Variants in ITGAE observed in about 807,000 individuals in gnomAD.
ITGAE encodes integrin subunit alpha E, also known as integrin alpha-E.
A neutral mutation model predicts 136.5 loss-of-function variants in ITGAE; 99 were observed. That is an observed-to-expected ratio of 0.73 (90% CI 0.62 to 0.86). The LOEUF (loss-of-function observed/expected upper bound fraction) is 0.86. Among genes scored for constraint, ITGAE ranks in the 40% least tolerant of loss-of-function variants. The pLI is 0.00. For missense variants in ITGAE, 1,447 were observed against 1,515.3 expected (o/e 0.95, Z 0.75); for synonymous variants, 613 against 591.8 (o/e 1.04, Z -0.52).
chr17:3,733,738 G>A (rs2051399019), intron 21 of ITGAE, among the ~76,000 whole-genome samples: 1 of 152,224 alleles, frequency 6.6e-6, no homozygotes, highest in Non-Finnish European at 1.5e-5. Flanking sequence ...ACACTATTGT[G>A]TGTATCACTG....
At position 3,750,341 on chromosome 17, in the gene ITGAE, C is replaced by G; in HGVS notation, c.2024+11G>C. ...GGGCCTGGGACCCCAGAAAGCAGGACAGAACCCTACCGGAACACAACCGCC... is the reference window on the plus strand; with the variant it reads ...GGGCCTGGGACCCCAGAAAGCAGGAGAGAACCCTACCGGAACACAACCGCC... On this transcript the variant is annotated intron_variant, in intron 16 of 30. Coordinates refer to ENST00000263087, the MANE Select transcript of ITGAE (RefSeq NM_002208.5). The G allele has an allele frequency of 6.2e-7, 1 of 1,613,616 alleles. No homozygotes were observed.
intron 1 of ITGAE, among the ~76,000 whole-genome samples, chr17:3,787,153 C>T (rs1486722231): frequency 6.6e-6 from 1 of 151,574 alleles, no homozygotes; most frequent in East Asian, 1.9e-4. Context: ...ACTCTGTCGC[C>T]CAGGCTGGAG....
At chr17:3,728,367 C>CAT in intron 24 of ITGAE, 199 bp from the exon 25 acceptor site, 1 of 288,290 alleles carries the variant, frequency 3.5e-6, no homozygotes, top group Non-Finnish European at 6.3e-6. Flanking sequence ...TACACTCATC[C>CAT]CTTTTTTTTT....
intron 2 of ITGAE, among the ~76,000 whole-genome samples, chr17:3,771,445 C>T (rs1180928109): frequency 6.6e-6 from 1 of 151,930 alleles, no homozygotes; most frequent in Non-Finnish European, 1.5e-5. Context: ...CGCCGCAGCT[C>T]ACGTGCCCTT....
Position 3,753,773 on chromosome 17 carries a change from C to T in ITGAE, c.1527+10G>A. ...GGTCATAAGGGGTGGAGGCTTTCCC[C>T]AGCAGGTACCTGCTCTCCCTCCAGC... On this transcript the variant is annotated intron_variant, in intron 13 of 30. Coordinates refer to ENST00000263087, the MANE Select transcript of ITGAE (RefSeq NM_002208.5). 6.2e-7 allele frequency: 1 copy of T among 1,614,042 alleles called. No individual in the cohort carries two copies. The highest frequency in any genetic ancestry group is 8.5e-7 in the Non-Finnish European group (1 of 1,179,990).
At chr17:3,728,305 G>C (rs939608889) in intron 24 of ITGAE, 137 bp from the exon 25 acceptor site, 1 of 667,974 alleles carries the variant, frequency 1.5e-6, no homozygotes, top group African/African-American at 1.8e-5. Flanking sequence ...CCAGGCTCAA[G>C]TGATCCTCCA....
intron 18 of ITGAE, among the ~76,000 whole-genome samples, chr17:3,745,307 C>T (rs2051684689): frequency 1.3e-5 from 2 of 152,168 alleles, no homozygotes; most frequent in Non-Finnish European, 1.5e-5. Context: ...ATGACAGCAT[C>T]TCCATCTTCC....
At chr17:3,743,427 G>A in intron 19 of ITGAE, 62 bp downstream of exon 19, 1 of 1,499,198 alleles carries the variant, frequency 6.7e-7, no homozygotes, top group Non-Finnish European at 8.9e-7. Flanking sequence ...AGTTAGGGGA[G>A]CAGGTGGTTT....
chr17:3,774,751 C>G (rs1218721742), intron 2 of ITGAE, among the ~76,000 whole-genome samples: 4 of 151,980 alleles, frequency 2.6e-5, no homozygotes, highest in Admixed American at 2.6e-4. Flanking sequence ...GGTGACAGAG[C>G]AAGACTCTGT....
intron 1 of ITGAE, among the ~76,000 whole-genome samples, chr17:3,778,069 C>T (rs764557930): frequency 3.9e-5 from 6 of 152,082 alleles, no homozygotes; most frequent in East Asian, 1.9e-4. Flanking sequence ...AAGCGACCCA[C>T]GAGAAAACGT....
At chr17:3,760,139 G>C (rs778774624) in intron 7 of ITGAE, 33 bp downstream of exon 7, 1 of 1,242,430 alleles carries the variant, frequency 8.0e-7, no homozygotes, top group Non-Finnish European at 1.2e-6. Flanking sequence ...CTCAGCAATA[G>C]ATAAGTGTTA....
In ITGAE at chr17:3,761,456, C is replaced by T; in HGVS notation, c.380G>A (p.Ser127Asn). The change falls in exon 5 of 31, where the codon AGC becomes AAC. Residue 127 changes from serine (S) to asparagine (N), a missense_variant. Around this residue, in one of 3 missense-constraint regions of ITGAE, gnomAD observed 310 missense variants for 416.1 expected, o/e 0.74. Coordinates refer to ENST00000263087, the MANE Select transcript of ITGAE (RefSeq NM_002208.5). ...GGGACGGAGGTCAGGGCCCAGGAGG[C>T]TACAGGTGCCTGTGAGTTCTGAGCT... ...SLSSELTGTC[S>N]LLGPDLRPQA... The T allele has an allele frequency of 6.2e-7, 1 of 1,614,086 alleles. No homozygotes were observed. The highest frequency in any genetic ancestry group is 8.5e-7 in the Non-Finnish European group (1 of 1,180,002).
intron 1 of ITGAE, among the ~76,000 whole-genome samples, chr17:3,786,144 G>A (rs2143413689): frequency 6.8e-6 from 1 of 147,794 alleles, no homozygotes; most frequent in Admixed American, 6.8e-5. Context: ...TCCAGCCTGG[G>A]TGACAGAGAG....
intron 1 of ITGAE, among the ~76,000 whole-genome samples, chr17:3,781,917 C>T (rs577528313): frequency 1.3e-5 from 2 of 152,108 alleles, no homozygotes; most frequent in East Asian, 1.9e-4. Context: ...AGTCTCCTGG[C>T]CTCTTTCAAG....
At chr17:3,800,411 G>A (rs1334196588) in intron 1 of ITGAE, among the ~76,000 whole-genome samples, 1 of 152,186 alleles carries the variant, frequency 6.6e-6, no homozygotes, top group African/African-American at 2.4e-5. Context: ...GGACCACCCT[G>A]GCCTCCGGCT....
chr17:3,768,797 C>G (rs1483857737), intron 2 of ITGAE, among the ~76,000 whole-genome samples: 1 of 152,224 alleles, frequency 6.6e-6, no homozygotes, highest in Non-Finnish European at 1.5e-5. Context: ...AGACAGTAGG[C>G]TCCCGAAGGA....
chr17:3,723,115 T>C (rs750971563), intron 28 of ITGAE, among the ~76,000 whole-genome samples, 173 bp downstream of exon 28: 7 of 152,204 alleles, frequency 4.6e-5, no homozygotes, highest in Non-Finnish European at 1.0e-4. Context: ...AACTGGAGTA[T>C]ATCTCCCTCC....
intron 2 of ITGAE, among the ~76,000 whole-genome samples, chr17:3,766,630 C>T (rs980390048): frequency 2.9e-4 from 44 of 151,980 alleles, no homozygotes; most frequent in African/African-American, 9.4e-4. Flanking sequence ...GGTGAAACCC[C>T]GTCTCTACTA....
At chr17:3,795,863 A>ATGTGTG (rs2053058094) in intron 1 of ITGAE, among the ~76,000 whole-genome samples, 1 of 123,696 alleles carries the variant, frequency 8.1e-6, no homozygotes, top group African/African-American at 3.2e-5. Context: ...GTGTGCATCC[A>ATGTGTG]TGTGCATCCG....
Sources: gnomAD v4.1 joint callset for allele counts (sites outside exome capture counted in the v4.1 genomes callset) on GRCh38, gnomAD v4.1.1 for gene constraint, gnomAD v4.1.1 regional missense constraint, MANE v1.5 for transcripts, NCBI Gene and HGNC (gene_info 2026-07-23, HGNC 2026-07-21) for gene names.